CCDC80: variants seen among roughly 807,000 people sequenced by gnomAD.
CCDC80 encodes the protein coiled-coil domain containing 80, also known as coiled-coil domain-containing protein 80.
CCDC80 carries 49 observed loss-of-function variants against 78.7 expected under a neutral mutation model. That is an observed-to-expected ratio of 0.62 (90% CI 0.50 to 0.79). The LOEUF is 0.79. Among genes scored for constraint, CCDC80 ranks in the 30% least tolerant of loss-of-function variants. The probability of loss-of-function intolerance (pLI) is 0.00; values close to 1 mark genes in which losing one functional copy is unlikely to be tolerated. For missense variants in CCDC80, 1,205 were observed against 1,198.6 expected, an observed-to-expected ratio of 1.01 and a Z score of -0.08; for synonymous variants, 488 against 447.0, an observed-to-expected ratio of 1.09 and a Z score of -1.16.
chr3:112,619,722 A>G lies in CCDC80; in HGVS notation c.2036-618T>C, dbSNP rs115917816. Among the ~76,000 whole-genome samples the G allele has an allele frequency of 1.0e-3, 159 of 152,342 alleles. 3 individuals carry two copies. The highest frequency in any genetic ancestry group is 3.7e-3 in the African/African-American group (152 of 41,582). ...ATGTGACAATTTATGGAAATTTTAA[A>G]TCACTATATGTTTTTTCAATCATCA... On this transcript the variant is annotated intron_variant, in intron 3 of 7. Transcript: ENST00000206423.
chr3:112,635,680 C>T (rs1936193457), intron 2 of CCDC80, among the ~76,000 whole-genome samples: 1 of 152,202 alleles, frequency 6.6e-6, no homozygotes, highest in Non-Finnish European at 1.5e-5. Flanking sequence ...GATCAAAAGT[C>T]TGAAAAGCCT....
Position 112,639,574 on chromosome 3 carries a change from CT to C in CCDC80, c.331del (p.Arg111GlyfsTer7). ...AVRPEQRPAA[R>X]GSPREMIRDE... is the part of the protein sequence containing the mutation. ...TCTGATCATCTCACGCGGAGAGCCC[CT>C]GGCTGCTGGTCTTTGCTCAGGTCTC... On this transcript the variant is annotated frameshift_variant, in exon 2 of 8. Coordinates refer to ENST00000206423, the MANE Select transcript of CCDC80 (RefSeq NM_199511.3). LOFTEE classifies it high-confidence loss of function. 1 of 1,614,162 alleles carries C rather than the reference CT, an allele frequency of 6.2e-7. No individual in the cohort carries two copies. Among genetic ancestry groups the C allele is most frequent in the Non-Finnish European group, 8.5e-7 (1 of 1,180,046 alleles).
rs1936325359 is a variant in CCDC80, at chr3:112,640,851, C to G, written c.-536G>C. 6.6e-6 allele frequency: 1 copy of G among 152,216 alleles called. No individual in the cohort carries two copies. The highest frequency in any genetic ancestry group is 2.1e-4 in the South Asian group (1 of 4,822). The allele number at this position is 152,216 out of a possible 1,614,324, so 9.4% of individuals were successfully genotyped here. A position where few individuals can be genotyped will look rare whatever the true frequency, so the allele number is the denominator to read the frequency against. Reference sequence around the variant, plus strand: ...ATGTTTTCCAGGCTGAGGGAAAACACAGGAATGTGATGTCGAAAAGGGACT... The same window carrying G: ...ATGTTTTCCAGGCTGAGGGAAAACAGAGGAATGTGATGTCGAAAAGGGACT... On this transcript the variant is annotated 5_prime_UTR_variant, in exon 1 of 8. Transcript: ENST00000206423.
chr3:112,620,765 G>A (rs1935847810), intron 3 of CCDC80, among the ~76,000 whole-genome samples: 1 of 152,108 alleles, frequency 6.6e-6, no homozygotes, highest in Non-Finnish European at 1.5e-5. Flanking sequence ...TTTAAAAAAT[G>A]TTCTTAACTA....
rs181235615 is a variant in CCDC80, at chr3:112,620,803, C to T, written c.2036-1699G>A. Among the ~76,000 whole-genome samples, 67 of 152,236 alleles carry T rather than the reference C, an allele frequency of 4.4e-4. 1 individual carries two copies. Among genetic ancestry groups the T allele is most frequent in the Admixed American group, 2.0e-3 (31 of 15,306 alleles). ...GTTCTGATTCTAAGACTTTACAAAC[C>T]AGATTTTATCTTGTATTTGGAAATT... On this transcript the variant is annotated intron_variant, in intron 3 of 7. Coordinates refer to ENST00000206423, the MANE Select transcript of CCDC80 (RefSeq NM_199511.3).
chr3:112,632,155 G>A (rs549393585), intron 2 of CCDC80, among the ~76,000 whole-genome samples: 2 of 152,244 alleles, frequency 1.3e-5, no homozygotes, highest in Non-Finnish European at 2.9e-5. Flanking sequence ...TATGGCATCT[G>A]AAAATATTTC....
chr3:112,606,340 G>GT (rs1432408710), intron 7 of CCDC80, among the ~76,000 whole-genome samples: 2 of 152,244 alleles, frequency 1.3e-5, no homozygotes, highest in Non-Finnish European at 2.9e-5. Context: ...TATTTAAAGA[G>GT]CTTGGTCTTG....
chr3:112,617,106 G>A (rs192873069), intron 4 of CCDC80, among the ~76,000 whole-genome samples: 3 of 152,122 alleles, frequency 2.0e-5, no homozygotes, highest in Admixed American at 6.5e-5. Flanking sequence ...TATTGGAAAG[G>A]GTCCATGCCT....
At chr3:112,630,363 T>G (rs1936074538) in intron 2 of CCDC80, 94 bp from the exon 3 acceptor site, 1 of 1,202,952 alleles carries the variant, frequency 8.3e-7, no homozygotes, top group South Asian at 1.3e-5. Flanking sequence ...AGAGGGCTGG[T>G]AGTGACTGCA....
Position 112,630,251 on chromosome 3 carries a change from C to A in CCDC80, c.1897G>T (p.Ala633Ser). The change falls in exon 3 of 8, where the codon GCT becomes TCT. Residue 633 changes from alanine (A) to serine (S), a missense_variant. Transcript: ENST00000206423. ...TGTTGCACATACATATTGTTCTCAGCCTTGGGAGCAGTGATCAGCTGGAGG... is the reference window on the plus strand; with the variant it reads ...TGTTGCACATACATATTGTTCTCAGACTTGGGAGCAGTGATCAGCTGGAGG... ...RRLLLITAPK[A>S]ENNMYVQQRD... 1 of 1,613,732 alleles carries A rather than the reference C, an allele frequency of 6.2e-7. No homozygotes were observed. The highest frequency in any genetic ancestry group is 8.5e-7 in the Non-Finnish European group (1 of 1,179,776).
At chr3:112,633,218 C>T (rs897675471) in intron 2 of CCDC80, among the ~76,000 whole-genome samples, 7 of 152,012 alleles carry the variant, frequency 4.6e-5, no homozygotes, top group African/African-American at 1.7e-4. Flanking sequence ...AATATGTGTC[C>T]CCCAAGCACA....
chr3:112,623,666 T>C (rs1935911395), intron 3 of CCDC80, among the ~76,000 whole-genome samples: 1 of 152,178 alleles, frequency 6.6e-6, no homozygotes, highest in Admixed American at 6.5e-5. Flanking sequence ...AGAGCTACTG[T>C]CCCAGAGGAG....
At chr3:112,620,383 G>C (rs1935841972) in intron 3 of CCDC80, among the ~76,000 whole-genome samples, 1 of 152,122 alleles carries the variant, frequency 6.6e-6, no homozygotes. Context: ...ACCAAGCACT[G>C]TCTGCAACAT....
At chr3:112,632,959 C>T (rs111325177) in intron 2 of CCDC80, among the ~76,000 whole-genome samples, 2,099 of 152,194 alleles carry the variant, frequency 0.014, 50 homozygotes, top group South Asian at 0.059. Flanking sequence ...GGCAGAGAGG[C>T]ATAGAGAAAG....
intron 2 of CCDC80, among the ~76,000 whole-genome samples, chr3:112,637,267 G>T (rs1490225472): frequency 6.6e-6 from 1 of 152,176 alleles, no homozygotes; most frequent in East Asian, 1.9e-4. Context: ...TTAAATTCAG[G>T]TGTATCTCTA....
At chr3:112,633,152 A>G (rs1936131891) in intron 2 of CCDC80, among the ~76,000 whole-genome samples, 1 of 152,216 alleles carries the variant, frequency 6.6e-6, no homozygotes, top group Non-Finnish European at 1.5e-5. Flanking sequence ...ATATCTGTAT[A>G]TCTTTATAAG....
rs1420005191 is a variant in CCDC80 at position 112,607,161 on chromosome 3, A to G, written c.2506+15T>C. ...TAACACTAGTTCATACTGTTTCAAG[A>G]TAACAACACATTACCATTAATTGGG... On this transcript the variant is annotated intron_variant, in intron 7 of 7. Transcript: ENST00000206423. 2 of 1,584,352 alleles carry G rather than the reference A, an allele frequency of 1.3e-6. No individual in the cohort carries two copies. The highest frequency in any genetic ancestry group is 1.7e-6 in the Non-Finnish European group (2 of 1,157,566).
intron 5 of CCDC80, 68 bp from the exon 6 acceptor site, chr3:112,610,149 C>T: frequency 7.3e-7 from 1 of 1,376,782 alleles, no homozygotes; most frequent in Non-Finnish European, 1.0e-6. Flanking sequence ...TGTAGGAAAC[C>T]AGAGTGACTT....
rs73853925 is a variant in CCDC80, at chr3:112,613,379, A to G, written c.2322-3298T>C. On this transcript the variant is annotated intron_variant, in intron 5 of 7. Transcript: ENST00000206423. Reference sequence around the variant, plus strand: ...ATATCCATAAAAGATGTATATTCCTATAGTAGTAATGAAGATAAGAGCCCA... The same window carrying G: ...ATATCCATAAAAGATGTATATTCCTGTAGTAGTAATGAAGATAAGAGCCCA... Among the ~76,000 whole-genome samples, 383 of 152,338 alleles carry G rather than the reference A, an allele frequency of 2.5e-3. 2 individuals carry two copies. Among genetic ancestry groups the G allele is most frequent in the Middle Eastern group, 0.01 (3 of 294 alleles).
Sources: allele counts gnomAD v4.1 joint callset (sites outside exome capture counted in the v4.1 genomes callset), GRCh38; gene constraint gnomAD v4.1.1; transcripts MANE v1.5; gene names NCBI Gene and HGNC (gene_info 2026-07-23, HGNC 2026-07-21).